Variants in TMEM131 observed in about 807,000 individuals in gnomAD.
TMEM131 encodes the protein 2610524E03Rik.
In TMEM131, 66 loss-of-function variants were observed where a neutral mutation model predicts 211.6. The ratio of observed to expected loss-of-function variants is 0.31; its 90% CI spans 0.26 to 0.38. The LOEUF (loss-of-function observed/expected upper bound fraction) is 0.38, where lower values mean the gene tolerates loss of function less well. Among genes scored for constraint, TMEM131 ranks in the 10% least tolerant of loss-of-function variants. The probability of loss-of-function intolerance (pLI) is 1.00; values close to 1 mark genes in which losing one functional copy is unlikely to be tolerated. For synonymous variants in TMEM131, 844 were observed against 841.3 expected (o/e 1.00, Z -0.06); for missense variants, 2,036 against 2,299.3 (o/e 0.89, Z 2.34).
intron 35 of TMEM131, chr2:97,763,663 C>T (rs569970902): frequency 5.2e-5 from 8 of 152,718 alleles, no homozygotes; most frequent in African/African-American, 1.7e-4. Context: ...TGGCCTCGCT[C>T]CGCCCCTGCA....
intron 1 of TMEM131, among the ~76,000 whole-genome samples, chr2:97,993,868 T>C (rs1439838896): frequency 1.3e-5 from 2 of 152,214 alleles, no homozygotes; most frequent in Admixed American, 6.5e-5. Flanking sequence ...TTTATTAGCA[T>C]ATAAAATGGC....
chr2:97,994,834 C>T (rs972355865), intron 1 of TMEM131, among the ~76,000 whole-genome samples: 1 of 152,320 alleles, frequency 6.6e-6, no homozygotes, highest in Non-Finnish European at 1.5e-5. Context: ...TGCTTGCAAG[C>T]TGGCAACTTC....
At chr2:97,810,967 C>T (rs1383058740) in intron 18 of TMEM131, among the ~76,000 whole-genome samples, 161 bp downstream of exon 18, 9 of 152,168 alleles carry the variant, frequency 5.9e-5, no homozygotes, top group Non-Finnish European at 7.3e-5. Flanking sequence ...AGCCTATGAA[C>T]ATCAATATTC....
At chr2:97,978,361 A>C (rs970717097) in intron 1 of TMEM131, among the ~76,000 whole-genome samples, 2 of 152,278 alleles carry the variant, frequency 1.3e-5, no homozygotes, top group African/African-American at 4.8e-5. Flanking sequence ...CATCTATAAG[A>C]AGCAACTCTT....
chr2:97,887,092 G>A (rs1240345078), intron 4 of TMEM131, among the ~76,000 whole-genome samples: 49 of 152,246 alleles, frequency 3.2e-4, no homozygotes, highest in African/African-American at 2.4e-5. Flanking sequence ...GGGTGGGGGT[G>A]CAGACACATG....
chr2:97,889,277 T>A (rs763086079), intron 3 of TMEM131, among the ~76,000 whole-genome samples: 57 of 152,036 alleles, frequency 3.7e-4, no homozygotes, highest in Non-Finnish European at 6.8e-4. Flanking sequence ...GCACCAAAAG[T>A]AAGATTATAT....
intron 4 of TMEM131, among the ~76,000 whole-genome samples, chr2:97,864,494 A>C (rs1166362588): frequency 6.6e-6 from 1 of 152,194 alleles, no homozygotes; most frequent in Non-Finnish European, 1.5e-5. Context: ...GGTAATCCAT[A>C]AATATATATA....
chr2:97,861,719 A>G (rs1674076580), intron 4 of TMEM131, among the ~76,000 whole-genome samples: 1 of 152,104 alleles, frequency 6.6e-6, no homozygotes, highest in Non-Finnish European at 1.5e-5. Flanking sequence ...AACACTAGGT[A>G]GATTTCTAAG....
intron 6 of TMEM131, among the ~76,000 whole-genome samples, chr2:97,842,855 G>A (rs149982437): frequency 5.9e-5 from 9 of 152,186 alleles, no homozygotes; most frequent in South Asian, 2.1e-4. Context: ...TACTCAACAC[G>A]TACATGCTAA....
chr2:97,762,311 A>G, intron 35 of TMEM131, 111 bp from the exon 36 acceptor site: 1 of 1,074,832 alleles, frequency 9.3e-7, no homozygotes, highest in South Asian at 1.6e-5. Flanking sequence ...TTCTACAAAG[A>G]AAACAAACGA....
chr2:97,779,856 A>C (rs35645624), intron 31 of TMEM131, among the ~76,000 whole-genome samples: 7,167 of 152,108 alleles, frequency 0.047, 566 homozygotes, highest in African/African-American at 0.16. Flanking sequence ...CTCTACAAAA[A>C]ATTTTAAAAT....
chr2:97,908,743 T>C (rs1439567323), intron 2 of TMEM131, 45 bp from the exon 3 acceptor site: 1 of 1,499,506 alleles, frequency 6.7e-7, no homozygotes, highest in African/African-American at 1.4e-5. Context: ...AAGCCAAATA[T>C]TTATATTACA....
At chr2:97,845,393 G>A (rs923674223) in intron 5 of TMEM131, among the ~76,000 whole-genome samples, 5 of 152,092 alleles carry the variant, frequency 3.3e-5, no homozygotes, top group Admixed American at 6.5e-5. Flanking sequence ...GTAGACACTG[G>A]TGCTATTCAC....
rs935533801 is a variant in TMEM131 at position 97,918,321 on chromosome 2, G to A, written c.249+9105C>T. Among the ~76,000 whole-genome samples the A allele has an allele frequency of 4.6e-5, 7 of 152,174 alleles. No homozygotes were observed. The East Asian group carries it at 1.4e-3, about 29-fold the overall frequency. ...GTATAAACTCAGATGTGATCCAAGG[G>A]ACTCATGAATAACAAAGACACTCTT... On this transcript the variant is annotated intron_variant, in intron 2 of 40. Coordinates refer to ENST00000186436, the MANE Select transcript of TMEM131 (RefSeq NM_015348.2).
chr2:97,842,732 G>C (rs1306803983), intron 6 of TMEM131, among the ~76,000 whole-genome samples: 1 of 152,200 alleles, frequency 6.6e-6, no homozygotes, highest in African/African-American at 2.4e-5. Context: ...GGGTCACCTT[G>C]AGAACAACCT....
intron 40 of TMEM131, among the ~76,000 whole-genome samples, chr2:97,758,320 T>C (rs979139454): frequency 2.0e-5 from 3 of 152,248 alleles, no homozygotes; most frequent in East Asian, 3.8e-4. Context: ...GTCATATTTT[T>C]CTGTCATAAT....
chr2:97,899,513 AC>A (rs1675759419), intron 3 of TMEM131, among the ~76,000 whole-genome samples: 1 of 152,168 alleles, frequency 6.6e-6, no homozygotes, highest in Non-Finnish European at 1.5e-5. Flanking sequence ...ATAATTAAAG[AC>A]AAACTAAAAC....
At chr2:97,794,551 T>A (rs1211138184) in intron 29 of TMEM131, among the ~76,000 whole-genome samples, 1 of 152,186 alleles carries the variant, frequency 6.6e-6, no homozygotes, top group Non-Finnish European at 1.5e-5. Flanking sequence ...CACAAAGTAA[T>A]ATATTGAGAA....
intron 15 of TMEM131, 69 bp downstream of exon 15, chr2:97,813,902 C>A: frequency 8.0e-7 from 1 of 1,242,766 alleles, no homozygotes; most frequent in South Asian, 1.6e-5. Flanking sequence ...AACACGACTG[C>A]CTAATAAGAT....
Sources: gnomAD v4.1 joint callset for allele counts (sites outside exome capture counted in the v4.1 genomes callset) on GRCh38, gnomAD v4.1.1 for gene constraint, MANE v1.5 for transcripts, NCBI Gene and HGNC (gene_info 2026-07-23, HGNC 2026-07-21) for gene names.